NOX5: variants seen among roughly 807,000 people sequenced by gnomAD.
The protein encoded by NOX5 is NADPH oxidase, EF-hand calcium binding domain 5.
Under a neutral mutation model 85.7 loss-of-function variants are expected in NOX5, and 76 were observed. The observed-to-expected ratio is 0.89, with a 90% confidence interval of 0.74 to 1.07. NOX5 has a LOEUF of 1.07. Among genes scored for constraint, NOX5 ranks in the 50% least tolerant of loss-of-function variants. NOX5 has a pLI of 0.00. For missense variants in NOX5, 973 were observed against 999.5 expected (o/e 0.97, Z 0.36); for synonymous variants, 405 against 401.4 (o/e 1.01, Z -0.11).
In NOX5 at chr15:69,031,863, T is replaced by C. The variant is rs1250761716; in HGVS notation, c.620+51T>C. The C allele has an allele frequency of 3.9e-6, 6 of 1,525,558 alleles. No homozygotes were observed. In the Middle Eastern group the frequency reaches 7.0e-4, roughly 179 times the overall value. The allele number at this position is 1,525,558 out of a possible 1,614,324, so 94.5% of individuals were successfully genotyped here. ...ACTGTCCACGGCGGCGTTAGACTCC[T>C]GGTCGGAAGTGTGGCAGGAACTCAC... On this transcript the variant is annotated intron_variant, in intron 4 of 15. Transcript: ENST00000388866.
At chr15:69,043,009 C>G (rs979643054) in intron 10 of NOX5, among the ~76,000 whole-genome samples, 1 of 152,170 alleles carries the variant, frequency 6.6e-6, no homozygotes, top group Non-Finnish European at 1.5e-5. Context: ...AGTCTGATGT[C>G]CCCCATTAGA....
chr15:69,031,437 G>T (rs970338530), intron 3 of NOX5, 81 bp from the exon 4 acceptor site: 3 of 1,459,830 alleles, frequency 2.1e-6, no homozygotes, highest in African/African-American at 2.8e-5. Flanking sequence ...TCCTTCAGTT[G>T]CATGGTCTAT....
At chr15:69,052,875 T>C (rs1034745350) in intron 14 of NOX5, among the ~76,000 whole-genome samples, 1 of 152,238 alleles carries the variant, frequency 6.6e-6, no homozygotes, top group African/African-American at 2.4e-5. Context: ...AGAAACTCAA[T>C]TTTATGATGA....
Position 69,035,459 on chromosome 15 carries a change from G to A in NOX5, c.961G>A (p.Val321Ile), listed in dbSNP as rs1269967991. The stretch of plus-strand genomic sequence containing the variant: ...GTTCCACCAGCTTATGGGCTACGTG[G>A]TAGTGGGGCTGTCCCTCGTGCACAC... Reference protein sequence around the residue: ...IQFHQLMGYVVVGLSLVHTVA... With the variant: ...IQFHQLMGYVIVGLSLVHTVA... The change falls in exon 6 of 16, where the codon GTA becomes ATA. Residue 321 changes from valine (V) to isoleucine (I), a missense_variant. Coordinates refer to ENST00000388866, the MANE Select transcript of NOX5 (RefSeq NM_024505.4). 2 of 1,614,212 alleles carry A rather than the reference G, an allele frequency of 1.2e-6. No homozygotes were observed. Among genetic ancestry groups the A allele is most frequent in the South Asian group, 2.2e-5 (2 of 91,086 alleles).
chr15:69,035,608 A>G lies in NOX5; in HGVS notation c.1009+101A>G, dbSNP rs370528517. ...TGTGTGTACTGCCTGCCCAAAGGGC[A>G]GAGAAGGGGTGCCCTGGATAAGCCA... On this transcript the variant is annotated intron_variant, in intron 6 of 15. Transcript: ENST00000388866. 58 of 1,554,758 alleles carry G rather than the reference A, an allele frequency of 3.7e-5. No homozygotes were observed. The African/African-American group carries it at 5.2e-4, about 14-fold the overall frequency.
intron 15 of NOX5, among the ~76,000 whole-genome samples, chr15:69,056,010 T>C (rs1259089796): frequency 6.6e-6 from 1 of 152,198 alleles, no homozygotes. Context: ...GATGACCCCA[T>C]GCCTGGGTCA....
intron 3 of NOX5, chr15:69,029,331 T>A (rs186407418): frequency 6.6e-6 from 1 of 152,370 alleles, no homozygotes; most frequent in African/African-American, 2.4e-5. Flanking sequence ...GACAGAATTT[T>A]ATTCCTTTTA....
chr15:69,054,573 C>T (rs1214352131), intron 14 of NOX5, among the ~76,000 whole-genome samples: 3 of 152,220 alleles, frequency 2.0e-5, no homozygotes, highest in African/African-American at 7.2e-5. Flanking sequence ...CACCTTGCCC[C>T]GCAAACATCG....
intron 14 of NOX5, among the ~76,000 whole-genome samples, chr15:69,051,716 C>T (rs1424380902): frequency 6.6e-6 from 1 of 152,080 alleles, no homozygotes; most frequent in Non-Finnish European, 1.5e-5. Context: ...TGAGTAGAGA[C>T]AAACATGGAT....
chr15:69,036,212 G>A (rs2050514668), intron 7 of NOX5, among the ~76,000 whole-genome samples: 1 of 152,298 alleles, frequency 6.6e-6, no homozygotes, highest in Middle Eastern at 3.4e-3. Flanking sequence ...TACAGGGAGG[G>A]GAAGGAACAT....
At chr15:69,030,828 G>A (rs781026364) in intron 3 of NOX5, 2 of 152,216 alleles carry the variant, frequency 1.3e-5, no homozygotes, top group Non-Finnish European at 2.9e-5. Flanking sequence ...AGGGAGAAAT[G>A]ATTACTCTCA....
chr15:69,043,004 G>T (rs1417289757), intron 10 of NOX5, among the ~76,000 whole-genome samples, 199 bp downstream of exon 10: 1 of 152,214 alleles, frequency 6.6e-6, no homozygotes, highest in Non-Finnish European at 1.5e-5. Context: ...TTCCCAGTCT[G>T]ATGTCCCCCA....
chr15:69,048,789 T>C (rs1427262724), intron 13 of NOX5, among the ~76,000 whole-genome samples, 170 bp from the exon 14 acceptor site: 2 of 152,198 alleles, frequency 1.3e-5, no homozygotes, highest in Non-Finnish European at 2.9e-5. Flanking sequence ...CTCTGTGATC[T>C]GGGCATGGCT....
At chr15:69,026,688 C>T (rs370208389) in intron 2 of NOX5, 37 bp downstream of exon 2, 12 of 1,612,922 alleles carry the variant, frequency 7.4e-6, no homozygotes, top group African/African-American at 2.7e-5. Flanking sequence ...CTGCATTTAT[C>T]GTTATGTGGC....
chr15:69,052,717 T>C (rs2050764570), intron 14 of NOX5, among the ~76,000 whole-genome samples: 1 of 152,196 alleles, frequency 6.6e-6, no homozygotes, highest in African/African-American at 2.4e-5. Flanking sequence ...GCCTTAAAGT[T>C]CAAGTCAACA....
chr15:69,047,595 C>T, intron 12 of NOX5, 58 bp downstream of exon 12: 1 of 1,571,650 alleles, frequency 6.4e-7, no homozygotes, highest in Admixed American at 1.8e-5. Flanking sequence ...GGCGCCCTCC[C>T]TGCTCCTCCT....
At chr15:69,039,826 G>A in intron 9 of NOX5, among the ~76,000 whole-genome samples, 1 of 152,220 alleles carries the variant, frequency 6.6e-6, no homozygotes, top group East Asian at 1.9e-4. Flanking sequence ...TCTGGTCCCA[G>A]GCTGTTTTTA....
intron 14 of NOX5, among the ~76,000 whole-genome samples, chr15:69,050,223 C>T (rs2050730181): frequency 6.6e-6 from 1 of 152,156 alleles, no homozygotes; most frequent in African/African-American, 2.4e-5. Flanking sequence ...CACCATTTGT[C>T]CAATTATCTT....
intron 5 of NOX5, among the ~76,000 whole-genome samples, chr15:69,033,692 CTTTTTTTTCTTT>C (rs1567098661): frequency 2.2e-5 from 3 of 136,358 alleles, no homozygotes; most frequent in African/African-American, 5.7e-5. Flanking sequence ...TTTTTTCTTT[CTTTTTTTTCTTT>C]TTTTTTTTTT....
Sources: gnomAD v4.1 joint callset for allele counts (sites outside exome capture counted in the v4.1 genomes callset) on GRCh38, gnomAD v4.1.1 for gene constraint, MANE v1.5 for transcripts, NCBI Gene and HGNC (gene_info 2026-07-23, HGNC 2026-07-21) for gene names.